Variants in CPM observed in about 807,000 individuals in gnomAD.
CPM encodes carboxypeptidase M.
In CPM, 35 loss-of-function variants were observed where a neutral mutation model predicts 46.4. The observed-to-expected ratio is 0.75, with a 90% CI of 0.58 to 1.00. CPM has a LOEUF of 1.00. Ranked by LOEUF, CPM falls within the 50% of genes least tolerant of loss-of-function variation. The pLI is 0.00. For missense variants in CPM, 422 were observed against 530.4 expected (o/e 0.80, Z 2.01); for synonymous variants, 195 against 195.3 (o/e 1.00, Z 0.01).
Position 68,853,212 on chromosome 12 carries a change from A to G in CPM, c.*3225T>C, listed in dbSNP as rs1039560423. On this transcript the variant is annotated 3_prime_UTR_variant, in exon 9 of 9. Transcript: ENST00000551568. ...GTGTCTCTTCAAAAATTGCTATCTT[A>G]GAAAAGTTAGAATTCAATGCCCAGT... 3 of 152,028 alleles carry G rather than the reference A, an allele frequency of 2.0e-5. No homozygotes were observed. The highest frequency in any genetic ancestry group is 7.3e-5 in the African/African-American group (3 of 41,262). 9.4% of individuals were successfully genotyped at this position (152,028 alleles called of 1,614,324 possible). A position where few individuals can be genotyped will look rare whatever the true frequency, so the allele number is the denominator to read the frequency against.
chr12:68,844,544 G>A (rs759368720), intron 5 of CPM: 15 of 227,258 alleles, frequency 6.6e-5, no homozygotes, highest in Non-Finnish European at 9.6e-5. Flanking sequence ...ACTTGTCAGC[G>A]TGAAAAGTAA....
chr12:68,886,839 A>AG (rs1886454329), intron 2 of CPM, among the ~76,000 whole-genome samples: 5 of 152,152 alleles, frequency 3.3e-5, no homozygotes, highest in African/African-American at 1.2e-4. Context: ...TGATCTGGGC[A>AG]AGAAAGGGCA....
chr12:68,898,777 T>G (rs1305044083), intron 2 of CPM, among the ~76,000 whole-genome samples: 1 of 152,222 alleles, frequency 6.6e-6, no homozygotes, highest in African/African-American at 2.4e-5. Flanking sequence ...TTACTAGCCA[T>G]GTGGTATTGG....
upstream of CPM, among the ~76,000 whole-genome samples, chr12:68,934,237 A>T (rs970613126): frequency 2.0e-5 from 3 of 152,158 alleles, no homozygotes; most frequent in Non-Finnish European, 4.4e-5. Context: ...CTGATTTGAG[A>T]TAACATTCCA....
intron 3 of CPM, among the ~76,000 whole-genome samples, chr12:68,880,005 G>A (rs1886119029): frequency 6.6e-6 from 1 of 152,042 alleles, no homozygotes; most frequent in Non-Finnish European, 1.5e-5. Flanking sequence ...GGGGGAAGGT[G>A]AGGGGACAAG....
At chr12:68,953,778 C>T (rs1042857731) in intron 1 of CPM, among the ~76,000 whole-genome samples, 1 of 152,196 alleles carries the variant, frequency 6.6e-6, no homozygotes, top group African/African-American at 2.4e-5. Context: ...TAAAAATATT[C>T]GTTGAATCAA....
intron 1 of CPM, among the ~76,000 whole-genome samples, chr12:68,944,443 G>C (rs997949521): frequency 6.6e-6 from 1 of 152,124 alleles, no homozygotes; most frequent in African/African-American, 2.4e-5. Context: ...TTGCTCTGTT[G>C]CCCAGGCTGG....
At chr12:68,919,004 T>C (rs1317766945) in intron 2 of CPM, among the ~76,000 whole-genome samples, 1 of 152,212 alleles carries the variant, frequency 6.6e-6, no homozygotes, top group African/African-American at 2.4e-5. Flanking sequence ...CAAAGACCAC[T>C]TTCCCCTTGC....
In CPM at chr12:68,905,998, G is replaced by GACTC. The variant is rs1565790265; in HGVS notation, c.161-20110_161-20109insGAGT. 3.9e-5 allele frequency among the ~76,000 whole-genome samples: 6 copies of GACTC among 152,334 alleles called. No homozygotes were observed. In the South Asian group the frequency reaches 1.2e-3, roughly 32 times the overall value. On this transcript the variant is annotated intron_variant, in intron 2 of 8. Coordinates refer to ENST00000551568, the MANE Select transcript of CPM (RefSeq NM_198320.5). The stretch of plus-strand genomic sequence containing the variant: ...GCATTGTTTCTTGGCCTTGCTGCAA[G>GACTC]AACACCTTGGCATGCAGGACTCAAG...
At position 68,869,307 on chromosome 12, in the gene CPM, A is replaced by T; in HGVS notation, c.787+18T>A. ...GTGAAGGCAATAAGGAGAATGGAAG[A>T]AATGAAGAGAAACTCACCTTGGAGT... is the stretch of plus-strand genomic sequence containing the variant. On this transcript the variant is annotated intron_variant, in intron 6 of 8. Coordinates refer to ENST00000551568, the MANE Select transcript of CPM (RefSeq NM_198320.5). 6.2e-7 allele frequency: 1 copy of T among 1,606,780 alleles called. No homozygotes were observed. The highest frequency in any genetic ancestry group is 8.5e-7 in the Non-Finnish European group (1 of 1,177,894).
At chr12:68,949,379 G>A (rs192775200) in intron 1 of CPM, among the ~76,000 whole-genome samples, 1 of 152,216 alleles carries the variant, frequency 6.6e-6, no homozygotes, top group East Asian at 1.9e-4. Flanking sequence ...TCAGAAATAA[G>A]TAAATAAATT....
intron 1 of CPM, among the ~76,000 whole-genome samples, chr12:68,945,444 C>G (rs377413197): frequency 5.4e-4 from 82 of 152,284 alleles, no homozygotes; most frequent in African/African-American, 1.9e-3. Flanking sequence ...ACACCTCAAT[C>G]CTGAGGTGTG....
At chr12:68,940,718 CA>C (rs1224372301) in intron 1 of CPM, among the ~76,000 whole-genome samples, 5 of 151,614 alleles carry the variant, frequency 3.3e-5, no homozygotes, top group Non-Finnish European at 7.4e-5. Context: ...TAGCAGTTCT[CA>C]ATGAAACAAC....
Position 68,856,420 on chromosome 12 carries a change from G to C in CPM, c.*17C>G, listed in dbSNP as rs1364914040. ...CTGATTCCAGGTGGTGATGTGGGTT[G>C]AGTTTCACATTTTACTTTATTTGAA... On this transcript the variant is annotated 3_prime_UTR_variant, in exon 9 of 9. Transcript: ENST00000551568. 6.2e-7 allele frequency: 1 copy of C among 1,608,804 alleles called. No homozygotes were observed. Among genetic ancestry groups the C allele is most frequent in the Non-Finnish European group, 8.5e-7 (1 of 1,176,846 alleles).
At chr12:68,907,915 G>A (rs1021651493) in intron 2 of CPM, among the ~76,000 whole-genome samples, 5 of 152,036 alleles carry the variant, frequency 3.3e-5, no homozygotes, top group Non-Finnish European at 7.4e-5. Context: ...TGCAATCTCC[G>A]CCTCCCGGAT....
intron 7 of CPM, among the ~76,000 whole-genome samples, chr12:68,863,328 G>A (rs527556393): frequency 2.6e-5 from 4 of 152,302 alleles, no homozygotes; most frequent in African/African-American, 4.8e-5. Context: ...AGGTAACACC[G>A]TGTCTGGCTC....
intron 2 of CPM, among the ~76,000 whole-genome samples, chr12:68,890,773 G>A (rs1020277976): frequency 6.6e-6 from 1 of 152,228 alleles, no homozygotes; most frequent in African/African-American, 2.4e-5. Context: ...TTCCACATTG[G>A]GTGTTAATGT....
chr12:68,863,889 A>T (rs549469435), intron 7 of CPM, among the ~76,000 whole-genome samples: 3 of 152,360 alleles, frequency 2.0e-5, no homozygotes, highest in Admixed American at 2.0e-4. Context: ...AGCAATACCA[A>T]TAAAGGGGTG....
At chr12:68,863,859 CAAT>C (rs1393187534) in intron 7 of CPM, among the ~76,000 whole-genome samples, 1 of 152,142 alleles carries the variant, frequency 6.6e-6, no homozygotes, top group African/African-American at 2.4e-5. Context: ...TGACGAATAT[CAAT>C]AATGTCTTTA....
Sources: gnomAD v4.1 joint callset for allele counts (sites outside exome capture counted in the v4.1 genomes callset) on GRCh38, gnomAD v4.1.1 for gene constraint, MANE v1.5 for transcripts, NCBI Gene and HGNC (gene_info 2026-07-23, HGNC 2026-07-21) for gene names.